The following DLG2 variants were observed in gnomAD, a reference collection of about 807,000 sequenced individuals.
DLG2 encodes discs large MAGUK scaffold protein 2.
DLG2 carries 45 observed loss-of-function variants against 132.5 expected under a neutral mutation model. The ratio of observed to expected loss-of-function variants is 0.34; its 90% confidence interval spans 0.27 to 0.44. The LOEUF is 0.44. Ranked by LOEUF, DLG2 falls within the 20% of genes least tolerant of loss-of-function variation. The pLI, the probability that DLG2 is intolerant of heterozygous loss-of-function variation, is 1.00. For missense variants in DLG2, 1,045 were observed against 1,196.9 expected (o/e 0.87, Z 1.87); for synonymous variants, 424 against 419.6 (o/e 1.01, Z -0.13).
intron 3 of DLG2, among the ~76,000 whole-genome samples, chr11:85,491,720 C>A (rs72953943): frequency 6.6e-6 from 1 of 151,840 alleles, no homozygotes; most frequent in Non-Finnish European, 1.5e-5. Flanking sequence ...ATACTGAAAA[C>A]TAAAACACTG....
chr11:85,086,906 C>G lies in DLG2; in HGVS notation c.357+24755G>C, dbSNP rs1046616566. On this transcript the variant is annotated intron_variant, in intron 6 of 27. Transcript: ENST00000376104. The stretch of plus-strand genomic sequence containing the variant: ...TGAAGCAATGAAACAGTTCAGAATA[C>G]AGTAAGTTTAACATAATACGAAAGC... Among the ~76,000 whole-genome samples, 5 of 152,112 alleles carry G rather than the reference C, an allele frequency of 3.3e-5. No individual in the cohort carries two copies. The South Asian group carries it at 1.0e-3, about 32-fold the overall frequency.
At chr11:85,218,627 T>G (rs1296254958) in intron 4 of DLG2, among the ~76,000 whole-genome samples, 1 of 152,140 alleles carries the variant, frequency 6.6e-6, no homozygotes, top group African/African-American at 2.4e-5. Flanking sequence ...AGAATGTAAA[T>G]TAGTCCAACC....
chr11:85,540,340 G>T (rs1264015996), intron 3 of DLG2, among the ~76,000 whole-genome samples: 1 of 152,150 alleles, frequency 6.6e-6, no homozygotes, highest in Non-Finnish European at 1.5e-5. Flanking sequence ...ACATCGAGAG[G>T]AACAGAGGAT....
At chr11:84,257,164 G>GA (rs35719674) in intron 7 of DLG2, among the ~76,000 whole-genome samples, 51 of 149,224 alleles carry the variant, frequency 3.4e-4, no homozygotes, top group African/African-American at 8.8e-4. Flanking sequence ...GCTTACTCTG[G>GA]AAAAAAAAAA....
intron 3 of DLG2, among the ~76,000 whole-genome samples, chr11:85,348,160 A>G (rs2083000105): frequency 6.7e-6 from 1 of 149,540 alleles, no homozygotes; most frequent in East Asian, 2.0e-4. Context: ...TAATTTTTGT[A>G]CTTTTTAGTA....
intron 6 of DLG2, among the ~76,000 whole-genome samples, chr11:84,584,367 A>T (rs2099523927): frequency 6.6e-6 from 1 of 151,738 alleles, no homozygotes; most frequent in African/African-American, 2.4e-5. Flanking sequence ...TGTATTATTT[A>T]TATTTATTTT....
intron 6 of DLG2, among the ~76,000 whole-genome samples, chr11:84,751,050 G>A (rs975813297): frequency 8.5e-5 from 13 of 152,088 alleles, no homozygotes; most frequent in African/African-American, 2.9e-4. Flanking sequence ...AAAGAATGGA[G>A]TAGATATTTA....
intron 10 of DLG2, among the ~76,000 whole-genome samples, chr11:84,061,663 G>A (rs533152232): frequency 6.6e-6 from 1 of 152,188 alleles, no homozygotes; most frequent in Admixed American, 6.5e-5. Flanking sequence ...GAAGAATTTT[G>A]TATCTGTTTT....
chr11:84,563,097 C>A (rs940273094), intron 6 of DLG2, among the ~76,000 whole-genome samples: 1 of 152,216 alleles, frequency 6.6e-6, no homozygotes, highest in Non-Finnish European at 1.5e-5. Flanking sequence ...CTACTAAAAT[C>A]CATTCATATT....
chr11:84,668,239 C>T (rs1003276966), intron 6 of DLG2, among the ~76,000 whole-genome samples: 2 of 152,078 alleles, frequency 1.3e-5, no homozygotes, highest in African/African-American at 4.8e-5. Flanking sequence ...TCTATAATGC[C>T]ATGATCTGTA....
chr11:85,440,605 G>A (rs2091729731), intron 3 of DLG2, among the ~76,000 whole-genome samples: 1 of 152,182 alleles, frequency 6.6e-6, no homozygotes, highest in South Asian at 2.1e-4. Context: ...GTAATAGACT[G>A]TTTTTGAAAA....
intron 3 of DLG2, among the ~76,000 whole-genome samples, chr11:85,397,747 G>T (rs889077360): frequency 6.6e-6 from 1 of 151,930 alleles, no homozygotes; most frequent in African/African-American, 2.4e-5. Context: ...ATATATATGC[G>T]CCCAATACAG....
At chr11:84,861,121 A>T (rs949837055) in intron 6 of DLG2, among the ~76,000 whole-genome samples, 22 of 152,170 alleles carry the variant, frequency 1.4e-4, no homozygotes, top group African/African-American at 5.3e-4. Flanking sequence ...AGGCTGCTAT[A>T]GGAACAAAAA....
chr11:85,236,360 G>A (rs1046193915), intron 4 of DLG2, among the ~76,000 whole-genome samples: 1 of 151,912 alleles, frequency 6.6e-6, no homozygotes. Context: ...CCAAGATCAG[G>A]GTGTGAGCTG....
chr11:84,601,796 A>T (rs2099577075), intron 6 of DLG2, among the ~76,000 whole-genome samples: 1 of 152,106 alleles, frequency 6.6e-6, no homozygotes, highest in Admixed American at 6.5e-5. Context: ...TCATGACTAT[A>T]GATAGAATAT....
At chr11:83,526,757 C>T (rs1336301587) in intron 21 of DLG2, among the ~76,000 whole-genome samples, 1 of 152,106 alleles carries the variant, frequency 6.6e-6, no homozygotes, top group Non-Finnish European at 1.5e-5. Flanking sequence ...TGAAAGTGAA[C>T]CATGTTTTAT....
At chr11:85,177,278 T>C (rs1186314113) in intron 4 of DLG2, among the ~76,000 whole-genome samples, 3 of 138,950 alleles carry the variant, frequency 2.2e-5, no homozygotes, top group South Asian at 2.4e-4. Context: ...TATATATATA[T>C]ATACATATAC....
rs139007047 is a variant in DLG2, at chr11:84,234,582, C to A, written c.573+16656G>T. 4.3e-4 allele frequency among the ~76,000 whole-genome samples: 65 copies of A among 152,292 alleles called. 1 individual carries two copies. Among genetic ancestry groups the A allele is most frequent in the African/African-American group, 1.4e-3 (57 of 41,560 alleles). On this transcript the variant is annotated intron_variant, in intron 8 of 27. Transcript: ENST00000376104. ...CCCCCAACCAACCAAATGGACCCCT[C>A]CTCCAAGCCAAGTGCATTCTAAAGT...
intron 6 of DLG2, among the ~76,000 whole-genome samples, chr11:84,592,644 G>C (rs2099546202): frequency 1.3e-5 from 2 of 151,874 alleles, no homozygotes; most frequent in Admixed American, 1.3e-4. Context: ...AACCCCATCA[G>C]AAAGTGGGCA....
Sources: allele counts gnomAD v4.1 joint callset (sites outside exome capture counted in the v4.1 genomes callset), GRCh38; gene constraint gnomAD v4.1.1; transcripts MANE v1.5; gene names NCBI Gene and HGNC (gene_info 2026-07-23, HGNC 2026-07-21).